Variants in BIN1 observed in about 807,000 individuals in gnomAD.
BIN1 encodes bridging integrator 1, also known as myc box-dependent-interacting protein 1.
BIN1 carries 53 observed loss-of-function variants against 82.0 expected under a neutral mutation model. The ratio of observed to expected loss-of-function variants is 0.65; its 90% CI spans 0.52 to 0.81. BIN1 has a LOEUF of 0.81. BIN1 is among the 40% of genes least tolerant of loss of function. The pLI is 0.00. For missense variants in BIN1, 642 were observed against 784.4 expected (o/e 0.82, Z 2.17); for synonymous variants, 302 against 328.0 (o/e 0.92, Z 0.86).
intron 1 of BIN1, among the ~76,000 whole-genome samples, chr2:127,078,511 C>T (rs1222340335): frequency 6.6e-6 from 1 of 152,088 alleles, no homozygotes; most frequent in African/African-American, 2.4e-5. Context: ...CTAGAGGTCA[C>T]AGAGGATGGA....
rs545896074 is a variant in BIN1 at position 127,107,128 on chromosome 2, T to G, written c.-185A>C. On this transcript the variant is annotated 5_prime_UTR_variant, in exon 1 of 19. Transcript: ENST00000316724. This position sits in a 1 kb window ranked among gnomAD's most constrained non-coding sequence, Gnocchi z 5.9. The stretch of plus-strand genomic sequence containing the variant: ...CGGACGGGCGAGCGAGCCAGCGAGC[T>G]AGCCAGCGAGCGACGCGGGGACAGA... 1 of 583,516 alleles carries G rather than the reference T, an allele frequency of 1.7e-6. No individual in the cohort carries two copies. Among genetic ancestry groups the G allele is most frequent in the Non-Finnish European group, 2.6e-6 (1 of 390,074 alleles). 36.1% of individuals were successfully genotyped at this position (583,516 alleles called of 1,614,324 possible). A position where few individuals can be genotyped will look rare whatever the true frequency, so the allele number is the denominator to read the frequency against.
chr2:127,106,777 CG>C, intron 1 of BIN1, 82 bp downstream of exon 1: 1 of 1,496,402 alleles, frequency 6.7e-7, no homozygotes. Flanking sequence ...GACCAGGCCC[CG>C]GGGTCGGAGG....
intron 1 of BIN1, among the ~76,000 whole-genome samples, chr2:127,105,314 G>A (rs1680894721): frequency 6.6e-6 from 1 of 152,148 alleles, no homozygotes; most frequent in Non-Finnish European, 1.5e-5. Flanking sequence ...GAAGGAAGCA[G>A]GCTCTGGCCC....
chr2:127,106,832 G>T, intron 1 of BIN1, 28 bp downstream of exon 1: 1 of 1,577,586 alleles, frequency 6.3e-7, no homozygotes, highest in East Asian at 2.4e-5. Flanking sequence ...CTGGGACTCC[G>T]CGGCTGCTGG....
chr2:127,106,786 A>T (rs1313819854), intron 1 of BIN1, 74 bp downstream of exon 1: 1 of 1,518,642 alleles, frequency 6.6e-7, no homozygotes, highest in Non-Finnish European at 8.9e-7. Flanking sequence ...CCGGGGTCGG[A>T]GGATAGGGGG....
chr2:127,077,166 G>A (rs1686717204), intron 1 of BIN1, among the ~76,000 whole-genome samples: 1 of 152,248 alleles, frequency 6.6e-6, no homozygotes, highest in East Asian at 1.9e-4. Context: ...ACAGGCAACA[G>A]CAGAGCAGGC....
intron 9 of BIN1, among the ~76,000 whole-genome samples, chr2:127,062,829 G>A (rs1435482412): frequency 6.6e-6 from 1 of 152,142 alleles, no homozygotes; most frequent in Non-Finnish European, 1.5e-5. Context: ...ATCTTCGAAG[G>A]GAAAAAGGAA....
intron 2 of BIN1, among the ~76,000 whole-genome samples, chr2:127,072,458 G>A (rs551154936): frequency 4.6e-5 from 7 of 152,206 alleles, no homozygotes; most frequent in Non-Finnish European, 1.0e-4. Context: ...CCAAGCCTGG[G>A]CACGCAGCCC....
At chr2:127,049,888 G>C (rs967645043) in intron 18 of BIN1, among the ~76,000 whole-genome samples, 5 of 152,212 alleles carry the variant, frequency 3.3e-5, no homozygotes, top group African/African-American at 2.4e-5. Flanking sequence ...GGAAGGCATC[G>C]TGGGTGAGCC....
intron 1 of BIN1, among the ~76,000 whole-genome samples, chr2:127,088,832 G>A (rs1678535213): frequency 6.6e-6 from 1 of 152,128 alleles, no homozygotes; most frequent in Non-Finnish European, 1.5e-5. Context: ...TGACAGCTGA[G>A]CAGAGACCTG....
At position 127,050,782 on chromosome 2, in the gene BIN1, G is replaced by A. The variant is rs768900274; in HGVS notation, c.1572+20C>T. 6.2e-7 allele frequency: 1 copy of A among 1,611,072 alleles called. No individual in the cohort carries two copies. On this transcript the variant is annotated intron_variant, in intron 17 of 18. Transcript: ENST00000316724. ...ACCAGGGCACCGAGGGACTGCAGCA[G>A]TCAGAGGCTGTGGGCTCACCTTGAA... is the stretch of plus-strand genomic sequence containing the variant.
At chr2:127,106,362 T>C (rs1408092718) in intron 1 of BIN1, among the ~76,000 whole-genome samples, 1 of 152,130 alleles carries the variant, frequency 6.6e-6, no homozygotes, top group Non-Finnish European at 1.5e-5. Flanking sequence ...GAAGGAACTG[T>C]GGGTGCCGGT....
At chr2:127,054,104 C>T (rs551498710) in intron 12 of BIN1, 92 bp from the exon 13 acceptor site, 59 of 1,010,312 alleles carry the variant, frequency 5.8e-5, no homozygotes, top group African/African-American at 4.0e-4. Flanking sequence ...CAGGCACACG[C>T]GTGGACACAC....
At chr2:127,058,612 G>T (rs1316424409) in intron 11 of BIN1, among the ~76,000 whole-genome samples, 1 of 152,140 alleles carries the variant, frequency 6.6e-6, no homozygotes, top group Non-Finnish European at 1.5e-5. Flanking sequence ...CCTCCCTCAG[G>T]CCCCTTTAAG....
At chr2:127,051,433 C>T (rs1030995865) in intron 15 of BIN1, among the ~76,000 whole-genome samples, 190 bp from the exon 16 acceptor site, 4 of 152,128 alleles carry the variant, frequency 2.6e-5, no homozygotes, top group African/African-American at 9.7e-5. Context: ...GGCCCTGGGC[C>T]GGGGAAGCAG....
chr2:127,096,187 G>T (rs1468954858), intron 1 of BIN1, among the ~76,000 whole-genome samples: 1 of 152,100 alleles, frequency 6.6e-6, no homozygotes, highest in African/African-American at 2.4e-5. Context: ...TTCTATCAGG[G>T]TCTAAGTCAA....
At chr2:127,070,229 A>G in intron 4 of BIN1, 139 bp from the exon 5 acceptor site, 1 of 740,258 alleles carries the variant, frequency 1.4e-6, no homozygotes, top group Non-Finnish European at 2.4e-6. Context: ...CCCCATCTGT[A>G]AGATGGGGGC....
Position 127,070,083 on chromosome 2 carries a change from T to A in BIN1, c.323A>T (p.Asp108Val). Residue 108 changes from aspartate to valine, a missense_variant, in exon 5 of 19, where the codon GAC (aspartate) becomes GTC (valine). Coordinates refer to ENST00000316724, the MANE Select transcript of BIN1 (RefSeq NM_139343.3). ...CTGGTGGTAATCCATCCACAGCAGG[T>A]CGTTGTTCTGAGACAGGCAAGAGCA... ...DEANKIAENN[D>V]LLWMDYHQKL... is the part of the protein sequence containing the mutation. 3 of 1,613,806 alleles carry A rather than the reference T, an allele frequency of 1.9e-6. No homozygotes were observed. The highest frequency in any genetic ancestry group is 1.7e-6 in the Non-Finnish European group (2 of 1,179,916).
At chr2:127,054,179 C>A in intron 12 of BIN1, 167 bp from the exon 13 acceptor site, 1 of 661,414 alleles carries the variant, frequency 1.5e-6, no homozygotes, top group South Asian at 1.7e-5. Flanking sequence ...GCACACAGCC[C>A]AGGCACCAAC....
Sources: gnomAD v4.1 joint callset for allele counts (sites outside exome capture counted in the v4.1 genomes callset) on GRCh38, gnomAD v4.1.1 for gene constraint, Gnocchi (gnomAD v3.1) non-coding constraint, MANE v1.5 for transcripts, NCBI Gene and HGNC (gene_info 2026-07-23, HGNC 2026-07-21) for gene names.